The following PRRX2 variants were observed in gnomAD, a reference collection of about 807,000 sequenced individuals.
The protein encoded by PRRX2 is paired mesoderm homeobox protein 2.
In PRRX2, 11 loss-of-function variants were observed where a neutral mutation model predicts 18.0. The ratio of observed to expected loss-of-function variants is 0.61; its 90% CI spans 0.39 to 1.01. The LOEUF (loss-of-function observed/expected upper bound fraction) is 1.01, where lower values mean the gene tolerates loss of function less well. Ranked by LOEUF, PRRX2 falls within the 50% of genes least tolerant of loss-of-function variation. The pLI is 0.01. For synonymous variants in PRRX2, 177 were observed against 154.8 expected, an observed-to-expected ratio of 1.14 and a Z score of -1.06; for missense variants, 387 against 351.0, an observed-to-expected ratio of 1.10 and a Z score of -0.82.
intron 1 of PRRX2, among the ~76,000 whole-genome samples, chr9:129,690,635 T>G (rs1338711105): frequency 6.6e-6 from 1 of 151,618 alleles, no homozygotes; most frequent in Non-Finnish European, 1.5e-5. Context: ...GCCTCCTGAG[T>G]AGCTGGGATT....
chr9:129,673,357 T>C (rs568814323), intron 1 of PRRX2, among the ~76,000 whole-genome samples: 2 of 152,236 alleles, frequency 1.3e-5, no homozygotes, highest in South Asian at 4.1e-4. Context: ...CTCGGGATGC[T>C]GAGACAGGAG....
intron 1 of PRRX2, among the ~76,000 whole-genome samples, chr9:129,681,265 A>G (rs561055958): frequency 2.0e-4 from 30 of 152,324 alleles, no homozygotes; most frequent in African/African-American, 7.2e-4. Context: ...CACACCTGTA[A>G]TCCCAGCACT....
chr9:129,689,185 C>T (rs531619261), intron 1 of PRRX2, among the ~76,000 whole-genome samples: 1 of 152,282 alleles, frequency 6.6e-6, no homozygotes, highest in African/African-American at 2.4e-5. Context: ...CCCCTAAGCT[C>T]TTCTCTGAGC....
chr9:129,709,877 C>A lies in PRRX2; in HGVS notation c.260-9354C>A, dbSNP rs150677584. On this transcript the variant is annotated intron_variant, in intron 1 of 3. Coordinates refer to ENST00000372469, the MANE Select transcript of PRRX2 (RefSeq NM_016307.4). The surrounding 1 kb of genome is among the most constrained non-coding windows in gnomAD (Gnocchi z 4.2). ...GGAGGGCGGGCTCTGCAGGCTCACC[C>A]GGCCCTTCCCATGCCTCCCCTTCAC... 2.6e-4 allele frequency among the ~76,000 whole-genome samples: 39 copies of A among 152,180 alleles called. 1 individual carries two copies. Among genetic ancestry groups the A allele is most frequent in the Admixed American group, 1.8e-3 (27 of 15,286 alleles).
chr9:129,710,402 C>T (rs551791358), intron 1 of PRRX2, among the ~76,000 whole-genome samples: 1 of 152,182 alleles, frequency 6.6e-6, no homozygotes, highest in Non-Finnish European at 1.5e-5. Context: ...TACACCTGGT[C>T]CCTGAATTTC....
chr9:129,677,798 G>T (rs1475657514), intron 1 of PRRX2, among the ~76,000 whole-genome samples: 3 of 152,188 alleles, frequency 2.0e-5, no homozygotes, highest in Admixed American at 6.5e-5. Flanking sequence ...GCGGGAAATT[G>T]CTAGAGACAA....
chr9:129,666,847 GCA>G (rs1832032867), intron 1 of PRRX2, among the ~76,000 whole-genome samples: 1 of 152,192 alleles, frequency 6.6e-6, no homozygotes, highest in Non-Finnish European at 1.5e-5. Context: ...TCGCGGCTCA[GCA>G]CACACTAAGG....
intron 1 of PRRX2, among the ~76,000 whole-genome samples, chr9:129,683,553 G>T (rs1340778949): frequency 6.6e-6 from 1 of 152,090 alleles, no homozygotes; most frequent in Non-Finnish European, 1.5e-5. Context: ...GGCTAAAACG[G>T]TGAAACCCTG....
At chr9:129,703,586 T>C (rs1472251215) in intron 1 of PRRX2, among the ~76,000 whole-genome samples, 2 of 152,098 alleles carry the variant, frequency 1.3e-5, no homozygotes, top group South Asian at 4.2e-4. Flanking sequence ...TGAACAGGGC[T>C]TAATAACAGT....
intron 1 of PRRX2, among the ~76,000 whole-genome samples, chr9:129,704,391 A>T (rs1832534341): frequency 6.6e-6 from 1 of 152,162 alleles, no homozygotes; most frequent in African/African-American, 2.4e-5. Flanking sequence ...CCAAGAGGAG[A>T]GACCTCTTGT....
In PRRX2 at chr9:129,684,954, T is replaced by C. The variant is rs187020329; in HGVS notation, c.259+18828T>C. Among the ~76,000 whole-genome samples the C allele has an allele frequency of 3.3e-5, 5 of 152,308 alleles. No homozygotes were observed. The East Asian group carries it at 7.7e-4, about 23-fold the overall frequency. ...ACTCATTCCGGGGTTCCTGTGTCAA[T>C]CATGACTCTCAAAGCAACCAGGAGG... On this transcript the variant is annotated intron_variant, in intron 1 of 3. Transcript: ENST00000372469.
intron 1 of PRRX2, among the ~76,000 whole-genome samples, chr9:129,681,260 C>T (rs1485921009): frequency 6.6e-6 from 1 of 152,238 alleles, no homozygotes; most frequent in African/African-American, 2.4e-5. Flanking sequence ...TGGCTCACAC[C>T]TGTAATCCCA....
intron 1 of PRRX2, among the ~76,000 whole-genome samples, chr9:129,668,627 A>C (rs1346108176): frequency 6.6e-6 from 1 of 151,630 alleles, no homozygotes; most frequent in African/African-American, 2.4e-5. Context: ...AAAATACAAA[A>C]TTAGCCGGGT....
rs1832695855 is a variant in PRRX2, at chr9:129,715,732, G to A, written c.260-3499G>A. ...GTTGAGAAGCAGTGGTCCAAACCCA[G>A]CTTCAGGGACATCTTTCTCACACAC... On this transcript the variant is annotated intron_variant, in intron 1 of 3. Coordinates refer to ENST00000372469, the MANE Select transcript of PRRX2 (RefSeq NM_016307.4). This position sits in a 1 kb window ranked among gnomAD's most constrained non-coding sequence, Gnocchi z 4.0. 7.0e-6 allele frequency among the ~76,000 whole-genome samples: 1 copy of A among 143,684 alleles called. No individual in the cohort carries two copies. Among genetic ancestry groups the A allele is most frequent in the South Asian group, 2.4e-4 (1 of 4,178 alleles). The allele number at this position is 143,684 out of a possible 152,430, so 94.3% of individuals were successfully genotyped here.
At chr9:129,680,787 AT>A (rs1361916014) in intron 1 of PRRX2, among the ~76,000 whole-genome samples, 1 of 152,180 alleles carries the variant, frequency 6.6e-6, no homozygotes, top group Non-Finnish European at 1.5e-5. Context: ...GACAGTGCTG[AT>A]CCACTGCACT....
intron 1 of PRRX2, among the ~76,000 whole-genome samples, chr9:129,714,148 CA>C (rs113810297): frequency 6.6e-6 from 1 of 150,376 alleles, no homozygotes; most frequent in Non-Finnish European, 1.5e-5. Flanking sequence ...ACTAAAAATA[CA>C]AAAAAAATTA....
chr9:129,699,471 G>GTGTA (rs1554724074), intron 1 of PRRX2, among the ~76,000 whole-genome samples: 3 of 148,586 alleles, frequency 2.0e-5, no homozygotes, highest in East Asian at 3.9e-4. Flanking sequence ...GTGTGTGTGT[G>GTGTA]TATACATATA....
chr9:129,675,677 C>T lies in PRRX2; in HGVS notation c.259+9551C>T, dbSNP rs973532988. Among the ~76,000 whole-genome samples the T allele has an allele frequency of 3.9e-5, 6 of 151,958 alleles. No individual in the cohort carries two copies. The East Asian group carries it at 5.8e-4, about 15-fold the overall frequency. On this transcript the variant is annotated intron_variant, in intron 1 of 3. Coordinates refer to ENST00000372469, the MANE Select transcript of PRRX2 (RefSeq NM_016307.4). The surrounding 1 kb of genome is among the most constrained non-coding windows in gnomAD (Gnocchi z 4.4). ...CCCCCTCGCTGGCCTCCCTTCTTGC[C>T]GTGGGCGCAGACGTTTACACGCCAG...
At chr9:129,666,179 GCC>G in intron 1 of PRRX2, 53 bp downstream of exon 1, 1 of 994,758 alleles carries the variant, frequency 1.0e-6, no homozygotes, top group Non-Finnish European at 1.2e-6. Context: ...CGGGGCCGGG[GCC>G]GGGGCGCGGG....
Sources: allele counts gnomAD v4.1 joint callset (sites outside exome capture counted in the v4.1 genomes callset), GRCh38; gene constraint gnomAD v4.1.1; non-coding constraint Gnocchi (gnomAD v3.1); transcripts MANE v1.5; gene names NCBI Gene and HGNC (gene_info 2026-07-23, HGNC 2026-07-21).